The following PTPN4 variants were observed in gnomAD, a reference collection of about 807,000 sequenced individuals.
PTPN4 encodes the protein tyrosine-protein phosphatase non-receptor type 4.
PTPN4 carries 49 observed loss-of-function variants against 135.5 expected under a neutral mutation model. The observed-to-expected ratio is 0.36, with a 90% CI of 0.29 to 0.46. The LOEUF (loss-of-function observed/expected upper bound fraction) is 0.46, where lower values mean the gene tolerates loss of function less well. PTPN4 is among the 20% of genes least tolerant of loss of function. The probability of loss-of-function intolerance (pLI) is 1.00; values close to 1 mark genes in which losing one functional copy is unlikely to be tolerated. For missense variants in PTPN4, 860 were observed against 1,101.0 expected (o/e 0.78, Z 3.10); for synonymous variants, 333 against 369.9 (o/e 0.90, Z 1.14).
intron 2 of PTPN4, among the ~76,000 whole-genome samples, chr2:119,858,339 T>A (rs903680918): frequency 1.4e-4 from 22 of 152,340 alleles, no homozygotes; most frequent in Admixed American, 1.3e-3. Flanking sequence ...TAAGTTGCTT[T>A]CAAGATGTTT....
At chr2:119,874,818 A>G (rs1417467896) in intron 3 of PTPN4, among the ~76,000 whole-genome samples, 2 of 152,188 alleles carry the variant, frequency 1.3e-5, no homozygotes, top group Admixed American at 6.5e-5. Flanking sequence ...GAGTCTTGGC[A>G]TATGCATTTT....
chr2:119,766,452 GTGTGTGT>G (rs1690626056), intron 1 of PTPN4, among the ~76,000 whole-genome samples: 2 of 42,382 alleles, frequency 4.7e-5, no homozygotes, highest in African/African-American at 1.2e-4. Flanking sequence ...GTGCGCGCGT[GTGTGTGT>G]GTGTGTGTGT....
At chr2:119,799,786 T>C (rs759795689) in intron 1 of PTPN4, among the ~76,000 whole-genome samples, 1 of 152,220 alleles carries the variant, frequency 6.6e-6, no homozygotes, top group Non-Finnish European at 1.5e-5. Flanking sequence ...CTTCAAGTGC[T>C]GGTTCTCTTT....
chr2:119,933,625 T>G (rs1678939166), intron 14 of PTPN4, among the ~76,000 whole-genome samples: 1 of 145,528 alleles, frequency 6.9e-6, no homozygotes, highest in Non-Finnish European at 1.5e-5. Flanking sequence ...ATCACACCAC[T>G]GCACTTCAGC....
At chr2:119,910,248 T>C (rs890220011) in intron 10 of PTPN4, among the ~76,000 whole-genome samples, 9 of 152,142 alleles carry the variant, frequency 5.9e-5, no homozygotes, top group African/African-American at 2.2e-4. Context: ...CTCTGATTTT[T>C]TATTATACAA....
intron 14 of PTPN4, among the ~76,000 whole-genome samples, chr2:119,934,541 A>G (rs908583866): frequency 2.0e-5 from 3 of 152,220 alleles, no homozygotes; most frequent in Non-Finnish European, 4.4e-5. Flanking sequence ...ACTAACACCT[A>G]GAAACATGAA....
chr2:119,791,241 T>A (rs1421713846), intron 1 of PTPN4: 3 of 151,870 alleles, frequency 2.0e-5, no homozygotes, highest in Non-Finnish European at 4.4e-5. Flanking sequence ...GCGATTCTCC[T>A]GCCTCAGCCT....
At chr2:119,878,351 T>G in intron 5 of PTPN4, among the ~76,000 whole-genome samples, 1 of 152,128 alleles carries the variant, frequency 6.6e-6, no homozygotes, top group Middle Eastern at 3.2e-3. Flanking sequence ...ACAAAGACAG[T>G]TAAAAATTAG....
intron 5 of PTPN4, among the ~76,000 whole-genome samples, chr2:119,879,616 G>A (rs965871943): frequency 6.6e-6 from 1 of 152,170 alleles, no homozygotes; most frequent in Non-Finnish European, 1.5e-5. Context: ...GCATAGGCAT[G>A]CACAAGTTCC....
At chr2:119,928,660 A>G (rs931459320) in intron 13 of PTPN4, among the ~76,000 whole-genome samples, 5 of 152,260 alleles carry the variant, frequency 3.3e-5, no homozygotes, top group Middle Eastern at 3.4e-3. Flanking sequence ...AAATGAGTCC[A>G]TGTATTTTTT....
chr2:119,926,823 G>T (rs1678831640), intron 13 of PTPN4, among the ~76,000 whole-genome samples, 157 bp downstream of exon 13: 1 of 151,904 alleles, frequency 6.6e-6, no homozygotes, highest in Non-Finnish European at 1.5e-5. Flanking sequence ...AATGTTGAGG[G>T]AATGATAAAC....
chr2:119,828,372 A>G (rs1677175351), intron 2 of PTPN4, among the ~76,000 whole-genome samples: 1 of 152,204 alleles, frequency 6.6e-6, no homozygotes, highest in Non-Finnish European at 1.5e-5. Flanking sequence ...ATGTTTGTGT[A>G]TTTGTCTTAG....
intron 1 of PTPN4, among the ~76,000 whole-genome samples, chr2:119,768,815 T>A (rs974457772): frequency 2.0e-5 from 3 of 152,190 alleles, no homozygotes; most frequent in African/African-American, 7.2e-5. Flanking sequence ...CCTCATTTAA[T>A]CAGGACAGAA....
At chr2:119,867,238 T>A (rs754670513) in intron 3 of PTPN4, among the ~76,000 whole-genome samples, 12 of 152,190 alleles carry the variant, frequency 7.9e-5, no homozygotes, top group Non-Finnish European at 1.3e-4. Context: ...GACTTGTATT[T>A]TACACATATC....
intron 2 of PTPN4, among the ~76,000 whole-genome samples, chr2:119,813,150 C>T (rs1390074024): frequency 6.6e-6 from 1 of 152,182 alleles, no homozygotes; most frequent in Non-Finnish European, 1.5e-5. Flanking sequence ...CTTATTCACT[C>T]ACATGGCTGT....
At chr2:119,888,461 A>G (rs975782468) in intron 9 of PTPN4, among the ~76,000 whole-genome samples, 1 of 152,150 alleles carries the variant, frequency 6.6e-6, no homozygotes, top group African/African-American at 2.4e-5. Flanking sequence ...TTCTGTGTTC[A>G]GTATGATGTT....
intron 2 of PTPN4, among the ~76,000 whole-genome samples, chr2:119,836,856 C>G (rs1574360643): frequency 1.3e-5 from 2 of 152,202 alleles, no homozygotes; most frequent in African/African-American, 4.8e-5. Context: ...TGCCTCGGCC[C>G]CCTCTGGACT....
chr2:119,810,087 GA>G lies in PTPN4; in HGVS notation c.138+100del, dbSNP rs772744900. 3.7e-6 allele frequency: 5 copies of G among 1,361,940 alleles called. No individual in the cohort carries two copies. In the East Asian group the frequency reaches 1.2e-4, roughly 33 times the overall value. 84.4% of individuals were successfully genotyped at this position (1,361,940 alleles called of 1,614,324 possible). ...GGATTATTAAATTATAGTACAGTTT[GA>G]AAAGTCTTATTCAAGTAAAAAAGTC... On this transcript the variant is annotated intron_variant, in intron 2 of 26. Transcript: ENST00000263708.
chr2:119,904,915 G>A (rs1678462838), intron 10 of PTPN4, among the ~76,000 whole-genome samples: 1 of 151,914 alleles, frequency 6.6e-6, no homozygotes, highest in South Asian at 2.1e-4. Context: ...CCTACATCTG[G>A]AAGTGAAAGG....
Sources: gnomAD v4.1 joint callset for allele counts (sites outside exome capture counted in the v4.1 genomes callset) on GRCh38, gnomAD v4.1.1 for gene constraint, MANE v1.5 for transcripts, NCBI Gene and HGNC (gene_info 2026-07-23, HGNC 2026-07-21) for gene names.